Variants in ATXN7L1 observed in about 807,000 individuals in gnomAD.
The protein encoded by ATXN7L1 is ataxin 7 like 1.
Under a neutral mutation model 70.8 loss-of-function variants are expected in ATXN7L1, and 15 were observed. The observed-to-expected ratio is 0.21, with a 90% CI of 0.14 to 0.33. The LOEUF is 0.33. Among genes scored for constraint, ATXN7L1 ranks in the 10% least tolerant of loss-of-function variants. ATXN7L1 has a pLI of 1.00. For synonymous variants in ATXN7L1, 440 were observed against 445.1 expected, an observed-to-expected ratio of 0.99 and a Z score of 0.14; for missense variants, 975 against 1,097.1, an observed-to-expected ratio of 0.89 and a Z score of 1.57.
intron 7 of ATXN7L1, among the ~76,000 whole-genome samples, chr7:105,636,486 T>C (rs1024982159): frequency 6.6e-6 from 1 of 151,412 alleles, no homozygotes; most frequent in African/African-American, 2.4e-5. Context: ...AACATTCTTT[T>C]CTCTGATTAA....
intron 3 of ATXN7L1, among the ~76,000 whole-genome samples, chr7:105,672,054 CAGGTGGGTGGAACACG>C (rs1239850284): frequency 1.3e-5 from 2 of 151,982 alleles, no homozygotes; most frequent in Non-Finnish European, 2.9e-5. Flanking sequence ...TTGGGAGGCC[CAGGTGGGTGGAACACG>C]AGGTCAGGAG....
At chr7:105,857,324 T>C (rs190381894) in intron 2 of ATXN7L1, among the ~76,000 whole-genome samples, 1 of 152,198 alleles carries the variant, frequency 6.6e-6, no homozygotes, top group Non-Finnish European at 1.5e-5. Flanking sequence ...GACTGAGATA[T>C]CTTCCTTCCC....
intron 9 of ATXN7L1, among the ~76,000 whole-genome samples, chr7:105,619,672 C>T (rs1794646524): frequency 6.7e-6 from 1 of 149,546 alleles, no homozygotes; most frequent in Non-Finnish European, 1.5e-5. Context: ...CACCCCAGGC[C>T]TTTCAAGTAG....
intron 3 of ATXN7L1, among the ~76,000 whole-genome samples, chr7:105,768,775 C>T (rs940299245): frequency 3.3e-5 from 5 of 152,202 alleles, no homozygotes; most frequent in African/African-American, 7.2e-5. Flanking sequence ...GAGTCAAAAT[C>T]GTAAAACTGG....
At chr7:105,852,120 T>C (rs1288201022) in intron 2 of ATXN7L1, among the ~76,000 whole-genome samples, 1 of 152,162 alleles carries the variant, frequency 6.6e-6, no homozygotes, top group East Asian at 1.9e-4. Flanking sequence ...TTCTATGTCG[T>C]CCATACCCTG....
intron 3 of ATXN7L1, among the ~76,000 whole-genome samples, chr7:105,782,603 C>T (rs1803688838): frequency 6.6e-6 from 1 of 152,198 alleles, no homozygotes; most frequent in African/African-American, 2.4e-5. Flanking sequence ...GGACTGTGGC[C>T]AGCCCTGGGC....
rs1490840587 is a variant in ATXN7L1, at chr7:105,614,232, T to C, written c.2102A>G (p.His701Arg). Residue 701 changes from histidine to arginine, a missense_variant, in exon 10 of 12, where the codon CAC becomes CGC. His to Arg is a conservative substitution (Grantham distance 29). Coordinates refer to ENST00000419735, the MANE Select transcript of ATXN7L1 (RefSeq NM_020725.2). The surrounding 1 kb of genome is among the most constrained non-coding windows in gnomAD (Gnocchi z 4.3). ...TGGGCTCACCCCATTGTTTGAGTTG[T>C]GCACAGACAGGCTGTTATAGGGAGG... ...AAPPYNSLSV[H>R]NSNNGVSPLS... is the part of the protein sequence containing the mutation. 28 of 1,551,562 alleles carry C rather than the reference T, an allele frequency of 1.8e-5. No individual in the cohort carries two copies. In the East Asian group the frequency reaches 6.6e-4, roughly 37 times the overall value.
At chr7:105,686,845 G>A (rs1806244803) in intron 3 of ATXN7L1, among the ~76,000 whole-genome samples, 2 of 152,174 alleles carry the variant, frequency 1.3e-5, no homozygotes, top group Admixed American at 6.5e-5. Context: ...ATATGTAATT[G>A]TTGGCAAGAC....
chr7:105,861,967 G>T (rs1816705751), intron 2 of ATXN7L1, among the ~76,000 whole-genome samples: 2 of 152,180 alleles, frequency 1.3e-5, no homozygotes, highest in Admixed American at 1.3e-4. Context: ...AAAGTGGCAG[G>T]ACTCATCTGA....
intron 7 of ATXN7L1, among the ~76,000 whole-genome samples, chr7:105,626,252 C>T (rs1776126457): frequency 6.6e-6 from 1 of 152,168 alleles, no homozygotes; most frequent in South Asian, 2.1e-4. Context: ...TTGAAAGCAT[C>T]ACACTAAATG....
chr7:105,830,099 C>T (rs1304891179), intron 2 of ATXN7L1, among the ~76,000 whole-genome samples: 2 of 152,130 alleles, frequency 1.3e-5, no homozygotes, highest in Admixed American at 1.3e-4. Flanking sequence ...GACAAGAAGG[C>T]CCTGGGAGGC....
intron 3 of ATXN7L1, among the ~76,000 whole-genome samples, chr7:105,722,601 T>TTGGGC (rs1795322038): frequency 1.3e-5 from 1 of 76,474 alleles, no homozygotes; most frequent in East Asian, 4.3e-4. Flanking sequence ...AAAAAAAAGG[T>TTGGGC]TGGGCTGTGG....
chr7:105,627,995 C>A (rs1286676389), intron 7 of ATXN7L1, among the ~76,000 whole-genome samples: 1 of 151,468 alleles, frequency 6.6e-6, no homozygotes, highest in East Asian at 1.9e-4. Flanking sequence ...CAGGTGTGTG[C>A]CACCATGCCC....
intron 4 of ATXN7L1, chr7:105,649,594 T>G (rs1257820868): frequency 1.0e-6 from 1 of 987,702 alleles, no homozygotes; most frequent in African/African-American, 1.7e-5. Context: ...CTCATGACGG[T>G]GCCATTGCAA....
chr7:105,825,554 T>C (rs1194281673), intron 2 of ATXN7L1, among the ~76,000 whole-genome samples: 3 of 143,110 alleles, frequency 2.1e-5, no homozygotes, highest in Non-Finnish European at 3.1e-5. Context: ...AAAACCTACA[T>C]ACGAGAGGAA....
rs137949559 is a variant in ATXN7L1, at chr7:105,637,954, G to T, written c.1202+399C>A. 1.6e-4 allele frequency among the ~76,000 whole-genome samples: 24 copies of T among 152,310 alleles called. No individual in the cohort carries two copies. The East Asian group carries it at 2.9e-3, about 18-fold the overall frequency. Reference sequence around the variant, plus strand: ...CCTGGGTTTCCCTACTCCGCTCCAGGAATCGTCAACTAATATAAAAGCCCA... The same window carrying T: ...CCTGGGTTTCCCTACTCCGCTCCAGTAATCGTCAACTAATATAAAAGCCCA... On this transcript the variant is annotated intron_variant, in intron 7 of 11. Transcript: ENST00000419735.
chr7:105,703,292 C>T (rs1334682788), intron 3 of ATXN7L1, among the ~76,000 whole-genome samples: 5 of 130,486 alleles, frequency 3.8e-5, no homozygotes, highest in Admixed American at 7.8e-5. Flanking sequence ...GCAAGAAGAG[C>T]GAAACTCCGT....
intron 4 of ATXN7L1, among the ~76,000 whole-genome samples, chr7:105,651,117 T>C (rs952052757): frequency 7.2e-5 from 11 of 152,188 alleles, no homozygotes; most frequent in African/African-American, 2.4e-4. Flanking sequence ...AGAGGACACC[T>C]GGCCTGGCAA....
intron 3 of ATXN7L1, among the ~76,000 whole-genome samples, chr7:105,751,680 C>G (rs1387044440): frequency 6.6e-6 from 1 of 152,108 alleles, no homozygotes; most frequent in Non-Finnish European, 1.5e-5. Context: ...CATTTGATAG[C>G]TGGATTTCTG....
Sources: allele counts gnomAD v4.1 joint callset (sites outside exome capture counted in the v4.1 genomes callset), GRCh38; gene constraint gnomAD v4.1.1; non-coding constraint Gnocchi (gnomAD v3.1); transcripts MANE v1.5; gene names NCBI Gene and HGNC (gene_info 2026-07-23, HGNC 2026-07-21).